DGKI: variants seen among roughly 807,000 people sequenced by gnomAD.
The protein encoded by DGKI is DAG kinase iota.
Under a neutral mutation model 147.5 loss-of-function variants are expected in DGKI, and 55 were observed. The observed-to-expected ratio is 0.37, with a 90% confidence interval of 0.30 to 0.47. The LOEUF (loss-of-function observed/expected upper bound fraction) is 0.47. DGKI is among the 20% of genes least tolerant of loss of function. The probability of loss-of-function intolerance (pLI) is 1.00; values close to 1 mark genes in which losing one functional copy is unlikely to be tolerated. For synonymous variants in DGKI, 469 were observed against 477.1 expected (o/e 0.98, Z 0.22); for missense variants, 1,007 against 1,323.8 (o/e 0.76, Z 3.71).
chr7:137,576,942 T>C (rs538167347), intron 17 of DGKI, among the ~76,000 whole-genome samples: 72 of 152,154 alleles, frequency 4.7e-4, no homozygotes, highest in Non-Finnish European at 6.0e-4. Flanking sequence ...ATACACACGG[T>C]TGAATAACAG....
intron 28 of DGKI, among the ~76,000 whole-genome samples, chr7:137,419,211 C>T (rs1812469510): frequency 6.6e-6 from 1 of 152,140 alleles, no homozygotes; most frequent in Admixed American, 6.6e-5. Flanking sequence ...GCATGACATA[C>T]AAAATGAAGT....
chr7:137,570,667 C>T (rs2128975743), intron 19 of DGKI, among the ~76,000 whole-genome samples: 1 of 151,694 alleles, frequency 6.6e-6, no homozygotes, highest in Middle Eastern at 3.4e-3. Context: ...TTTCAGCTCA[C>T]TGCAACCTTT....
intron 1 of DGKI, among the ~76,000 whole-genome samples, chr7:137,697,731 A>G (rs1175139131): frequency 6.6e-6 from 1 of 152,200 alleles, no homozygotes; most frequent in Non-Finnish European, 1.5e-5. Flanking sequence ...AGAGTATCAG[A>G]TGAGAGTCAA....
intron 23 of DGKI, among the ~76,000 whole-genome samples, chr7:137,479,972 A>T (rs1213480323): frequency 6.6e-6 from 1 of 152,044 alleles, no homozygotes; most frequent in East Asian, 1.9e-4. Flanking sequence ...CTACTTTACC[A>T]CTCATGACTC....
At chr7:137,582,660 C>CT (rs1200685843) in intron 14 of DGKI, among the ~76,000 whole-genome samples, 14 of 152,042 alleles carry the variant, frequency 9.2e-5, no homozygotes, top group Non-Finnish European at 2.9e-5. Flanking sequence ...GAAGCTTTAA[C>CT]TTTCCTTCCT....
intron 7 of DGKI, 79 bp from the exon 8 acceptor site, chr7:137,620,019 G>GCACACACACACA (rs3839659): frequency 2.0e-5 from 10 of 502,458 alleles, no homozygotes; most frequent in Admixed American, 1.1e-4. Context: ...ATGTACACAC[G>GCACACACACACA]CACACACACA....
intron 1 of DGKI, among the ~76,000 whole-genome samples, chr7:137,699,879 T>C (rs542478185): frequency 6.6e-6 from 1 of 152,200 alleles, no homozygotes; most frequent in Non-Finnish European, 1.5e-5. Flanking sequence ...CACAAGGCTG[T>C]CAACTGAAGG....
At chr7:137,650,791 T>C (rs1563132367) in intron 5 of DGKI, among the ~76,000 whole-genome samples, 1 of 152,212 alleles carries the variant, frequency 6.6e-6, no homozygotes, top group Non-Finnish European at 1.5e-5. Context: ...GTCCATGGTA[T>C]TTCATTACAA....
chr7:137,762,112 C>A (rs1217491684), intron 1 of DGKI, among the ~76,000 whole-genome samples: 1 of 152,218 alleles, frequency 6.6e-6, no homozygotes, highest in Admixed American at 6.5e-5. Context: ...CCTCTCAAAT[C>A]ATTCCGTATA....
chr7:137,398,424 G>C (rs576114952), intron 30 of DGKI, among the ~76,000 whole-genome samples: 7 of 152,248 alleles, frequency 4.6e-5, no homozygotes, highest in African/African-American at 1.7e-4. Context: ...AGAGCCTGGA[G>C]ATAAGTAGAT....
At chr7:137,542,359 AC>A (rs1159641912) in intron 20 of DGKI, among the ~76,000 whole-genome samples, 1 of 152,196 alleles carries the variant, frequency 6.6e-6, no homozygotes, top group Non-Finnish European at 1.5e-5. Context: ...TGGAAGAATA[AC>A]CCAGATATCC....
At chr7:137,835,317 G>A (rs937458625) in intron 1 of DGKI, among the ~76,000 whole-genome samples, 1 of 152,094 alleles carries the variant, frequency 6.6e-6, no homozygotes, top group African/African-American at 2.4e-5. Context: ...TGCGGCTCAC[G>A]GAAGTCTGGT....
rs1248000087 is a variant in DGKI, at chr7:137,732,737, C to G, written c.402-42735G>C. Among the ~76,000 whole-genome samples, 3 of 152,006 alleles carry G rather than the reference C, an allele frequency of 2.0e-5. No individual in the cohort carries two copies. The East Asian group carries it at 5.8e-4, about 29-fold the overall frequency. On this transcript the variant is annotated intron_variant, in intron 1 of 32. Coordinates refer to ENST00000614521, the MANE Select transcript of DGKI (RefSeq NM_001321708.2). ...CTTCGGTTTCCTTCCTCCCTTCCCC[C>G]AGCCCGCCTTTTGTATTGTTGTTCA...
chr7:137,692,745 A>C (rs1181887780), intron 1 of DGKI, among the ~76,000 whole-genome samples: 1 of 151,878 alleles, frequency 6.6e-6, no homozygotes, highest in African/African-American at 2.4e-5. Context: ...GTCAAATCAC[A>C]CTCTTTTCTA....
intron 20 of DGKI, among the ~76,000 whole-genome samples, chr7:137,548,978 A>G (rs1356295771): frequency 6.6e-6 from 1 of 152,174 alleles, no homozygotes; most frequent in African/African-American, 2.4e-5. Context: ...AAACAAATAA[A>G]TATAAATAAA....
intron 23 of DGKI, among the ~76,000 whole-genome samples, chr7:137,483,719 AGT>A (rs1815453090): frequency 6.6e-6 from 1 of 152,032 alleles, no homozygotes; most frequent in African/African-American, 2.4e-5. Context: ...TTCTTGCATA[AGT>A]TTGCTGAGGA....
intron 3 of DGKI, among the ~76,000 whole-genome samples, 187 bp from the exon 4 acceptor site, chr7:137,656,727 C>G (rs1822238016): frequency 6.6e-6 from 1 of 152,146 alleles, no homozygotes; most frequent in Non-Finnish European, 1.5e-5. Flanking sequence ...TATCAACAGT[C>G]TCTGCACTCA....
intron 12 of DGKI, among the ~76,000 whole-genome samples, chr7:137,595,980 CA>C: frequency 9.6e-6 from 1 of 104,648 alleles, no homozygotes. Context: ...CCAGCCTGGG[CA>C]ACAGAGTGAG....
intron 14 of DGKI, among the ~76,000 whole-genome samples, chr7:137,584,484 A>T (rs1819316332): frequency 6.6e-6 from 1 of 152,218 alleles, no homozygotes; most frequent in South Asian, 2.1e-4. Context: ...AAGCTCAATC[A>T]CTAAAAGAAA....
Sources: gnomAD v4.1 joint callset for allele counts (sites outside exome capture counted in the v4.1 genomes callset) on GRCh38, gnomAD v4.1.1 for gene constraint, MANE v1.5 for transcripts, NCBI Gene and HGNC (gene_info 2026-07-23, HGNC 2026-07-21) for gene names.